Variants in BAIAP2L1 observed in about 807,000 individuals in gnomAD.
BAIAP2L1 encodes BAR/IMD domain-containing adapter protein 2-like 1.
BAIAP2L1 carries 35 observed loss-of-function variants against 66.3 expected under a neutral mutation model. The ratio of observed to expected loss-of-function variants is 0.53; its 90% CI spans 0.40 to 0.70. The LOEUF (loss-of-function observed/expected upper bound fraction) is 0.70. BAIAP2L1 is among the 30% of genes least tolerant of loss of function. The probability of loss-of-function intolerance (pLI) is 0.00; values close to 1 mark genes in which losing one functional copy is unlikely to be tolerated. For synonymous variants in BAIAP2L1, 269 were observed against 248.7 expected (o/e 1.08, Z -0.77); for missense variants, 622 against 656.9 (o/e 0.95, Z 0.58).
At chr7:98,392,388 C>A (rs868375243) in intron 1 of BAIAP2L1, among the ~76,000 whole-genome samples, 1 of 152,060 alleles carries the variant, frequency 6.6e-6, no homozygotes, top group Non-Finnish European at 1.5e-5. Context: ...CAGGGAAAGG[C>A]GCACTCTCAC....
chr7:98,367,790 AT>A (rs1802420296), intron 1 of BAIAP2L1, among the ~76,000 whole-genome samples: 1 of 151,470 alleles, frequency 6.6e-6, no homozygotes, highest in Admixed American at 6.6e-5. Context: ...GGCCAGCCCA[AT>A]TTTTGCATTT....
intron 1 of BAIAP2L1, among the ~76,000 whole-genome samples, chr7:98,366,017 T>C (rs1002759186): frequency 6.6e-6 from 1 of 152,144 alleles, no homozygotes; most frequent in African/African-American, 2.4e-5. Context: ...AAGCTGTGGG[T>C]GTGTGCACAG....
Position 98,293,546 on chromosome 7 carries a change from T to A in BAIAP2L1, c.1511A>T (p.Asp504Val). 6.2e-7 allele frequency: 1 copy of A among 1,613,778 alleles called. No homozygotes were observed. The highest frequency in any genetic ancestry group is 8.5e-7 in the Non-Finnish European group (1 of 1,179,934). Residue 504 changes from aspartate to valine, a missense_variant, in exon 14 of 14, where the codon GAT (aspartate) becomes GTT (valine). By Grantham distance (152) the Asp-to-Val change is radical. Coordinates refer to ENST00000005260, the MANE Select transcript of BAIAP2L1 (RefSeq NM_018842.5). The part of the protein sequence containing the change: ...TVKLRPTVTN[D>V]RSAPIIR ...TCATCGAATGATGGGTGCCGAGCGATCATTCGTCACAGTCGGGCGGAGTTT... is the reference window on the plus strand; with the variant it reads ...TCATCGAATGATGGGTGCCGAGCGAACATTCGTCACAGTCGGGCGGAGTTT...
chr7:98,324,541 G>A (rs1801331535), intron 3 of BAIAP2L1, among the ~76,000 whole-genome samples: 1 of 152,206 alleles, frequency 6.6e-6, no homozygotes, highest in African/African-American at 2.4e-5. Flanking sequence ...TTATTGGTAT[G>A]AATGCCTAGA....
intron 3 of BAIAP2L1, 65 bp downstream of exon 3, chr7:98,354,967 GGCCATCCCAC>G: frequency 9.2e-7 from 1 of 1,090,448 alleles, no homozygotes; most frequent in East Asian, 2.4e-5. Flanking sequence ...TTCTGGACTG[GGCCATCCCAC>G]GCGTTTCTCT....
intron 1 of BAIAP2L1, among the ~76,000 whole-genome samples, chr7:98,368,425 A>C (rs1802437360): frequency 6.6e-6 from 1 of 151,992 alleles, no homozygotes; most frequent in Non-Finnish European, 1.5e-5. Context: ...TCTCAAAAAC[A>C]AAACAAAACA....
chr7:98,299,452 C>T (rs1800331639), intron 12 of BAIAP2L1, among the ~76,000 whole-genome samples: 1 of 152,202 alleles, frequency 6.6e-6, no homozygotes, highest in Admixed American at 6.5e-5. Context: ...GCCACCGTGC[C>T]CGGCAGGCTG....
intron 5 of BAIAP2L1, among the ~76,000 whole-genome samples, chr7:98,319,790 A>G (rs1417646213): frequency 6.6e-6 from 1 of 152,124 alleles, no homozygotes; most frequent in Non-Finnish European, 1.5e-5. Flanking sequence ...ACCTCAAGTG[A>G]TCCGCCTGCC....
chr7:98,330,305 T>TGTGTTA (rs1801464519), intron 3 of BAIAP2L1, among the ~76,000 whole-genome samples: 1 of 152,260 alleles, frequency 6.6e-6, no homozygotes, highest in East Asian at 1.9e-4. Context: ...AGAGAGATGA[T>TGTGTTA]GTGTTAGTCC....
chr7:98,374,715 A>T (rs1368908365), intron 1 of BAIAP2L1, among the ~76,000 whole-genome samples: 1 of 152,144 alleles, frequency 6.6e-6, no homozygotes, highest in Non-Finnish European at 1.5e-5. Flanking sequence ...ATGTCGAGCA[A>T]TTCTGCCTGG....
At chr7:98,304,084 C>T in intron 12 of BAIAP2L1, 112 bp downstream of exon 12, 1 of 1,168,788 alleles carries the variant, frequency 8.6e-7, no homozygotes, top group Non-Finnish European at 1.1e-6. Context: ...CCCGGGGACA[C>T]CACTCTCCCC....
At position 98,292,472 on chromosome 7, in the gene BAIAP2L1, T is replaced by TA; in HGVS notation, c.*1048_*1049insT. 1.5e-6 allele frequency: 1 copy of TA among 675,156 alleles called. No homozygotes were observed. The highest frequency in any genetic ancestry group is 2.8e-5 in the East Asian group (1 of 35,330). The allele number at this position is 675,156 out of a possible 1,614,324, so 41.8% of individuals were successfully genotyped here. ...TCCCGTACCTGGGCCGGGCTGGGAA[T>TA]TTTAACCATGACTCTCCACTCCAAA... On this transcript the variant is annotated 3_prime_UTR_variant, in exon 14 of 14. Coordinates refer to ENST00000005260, the MANE Select transcript of BAIAP2L1 (RefSeq NM_018842.5).
At chr7:98,301,268 G>GC (rs1410031010) in intron 12 of BAIAP2L1, among the ~76,000 whole-genome samples, 2 of 152,168 alleles carry the variant, frequency 1.3e-5, no homozygotes, top group African/African-American at 4.8e-5. Flanking sequence ...TGCTGGATGG[G>GC]CCTTCTCATC....
chr7:98,311,855 G>C (rs547853653), intron 8 of BAIAP2L1, among the ~76,000 whole-genome samples: 1 of 152,208 alleles, frequency 6.6e-6, no homozygotes, highest in South Asian at 2.1e-4. Context: ...GCAGTGAGCC[G>C]AGATCACTCC....
intron 3 of BAIAP2L1, among the ~76,000 whole-genome samples, chr7:98,323,794 C>T (rs766654094): frequency 1.1e-4 from 17 of 152,200 alleles, no homozygotes; most frequent in Non-Finnish European, 2.2e-4. Flanking sequence ...CTGGCCGCCG[C>T]GGAGTCAGCG....
chr7:98,311,555 TA>T (rs561706030), intron 8 of BAIAP2L1, among the ~76,000 whole-genome samples: 8 of 139,840 alleles, frequency 5.7e-5, no homozygotes, highest in Admixed American at 4.3e-4. Flanking sequence ...ACAAAAAAAA[TA>T]AAAAAAAAAC....
At chr7:98,343,296 C>A (rs1466522480) in intron 3 of BAIAP2L1, among the ~76,000 whole-genome samples, 1 of 150,126 alleles carries the variant, frequency 6.7e-6, no homozygotes, top group Non-Finnish European at 1.5e-5. Context: ...CAGACACACA[C>A]ACACACTAGC....
intron 1 of BAIAP2L1, among the ~76,000 whole-genome samples, chr7:98,370,992 G>A (rs1410781366): frequency 6.6e-6 from 1 of 152,172 alleles, no homozygotes; most frequent in Non-Finnish European, 1.5e-5. Flanking sequence ...CATTTTGGGG[G>A]AGAGCTGTAG....
At chr7:98,360,663 A>G (rs1802250097) in intron 2 of BAIAP2L1, among the ~76,000 whole-genome samples, 1 of 152,044 alleles carries the variant, frequency 6.6e-6, no homozygotes, top group Non-Finnish European at 1.5e-5. Context: ...TAGAAAGAAA[A>G]AAAAACTGCA....
Sources: allele counts gnomAD v4.1 joint callset (sites outside exome capture counted in the v4.1 genomes callset), GRCh38; gene constraint gnomAD v4.1.1; transcripts MANE v1.5; gene names NCBI Gene and HGNC (gene_info 2026-07-23, HGNC 2026-07-21).